The following ACSM1 variants were observed in gnomAD, a reference collection of about 807,000 sequenced individuals.
ACSM1 encodes the protein acyl-CoA synthetase medium chain family member 1.
A neutral mutation model predicts 75.8 loss-of-function variants in ACSM1; 79 were observed. That is an observed-to-expected ratio of 1.04 (90% CI 0.87 to 1.26). The LOEUF (loss-of-function observed/expected upper bound fraction) is 1.26, where lower values mean the gene tolerates loss of function less well. ACSM1 is among the 50% of genes most tolerant of loss of function. ACSM1 has a pLI of 0.00. For missense variants in ACSM1, 676 were observed against 720.1 expected (o/e 0.94, Z 0.70); for synonymous variants, 279 against 265.8 (o/e 1.05, Z -0.48).
At chr16:20,633,186 T>C (rs993317580) in intron 10 of ACSM1, among the ~76,000 whole-genome samples, 4 of 152,028 alleles carry the variant, frequency 2.6e-5, no homozygotes, top group African/African-American at 4.8e-5. Context: ...GAAAGAAAAA[T>C]AAGAGGCATC....
chr16:20,627,097 T>C, intron 11 of ACSM1, 92 bp downstream of exon 11: 1 of 1,439,542 alleles, frequency 6.9e-7, no homozygotes, highest in Non-Finnish European at 9.1e-7. Context: ...TAGGCTGAAA[T>C]TTCACCAATG....
At chr16:20,691,751 ATGTGTGTGTGTGTGTGTGTGTGTGTGTG>A (rs59929923) in intron 1 of ACSM1, among the ~76,000 whole-genome samples, 1 of 134,022 alleles carries the variant, frequency 7.5e-6, no homozygotes, top group African/African-American at 3.0e-5. Context: ...TACCTCTCCA[ATGTGTGTGTGTGTGTGTGTGTGTGTGTG>A]TGTGTGTGTG....
At chr16:20,623,919 A>G (rs2152174910) in intron 13 of ACSM1, among the ~76,000 whole-genome samples, 177 bp downstream of exon 13, 1 of 152,320 alleles carries the variant, frequency 6.6e-6, no homozygotes, top group African/African-American at 2.4e-5. Context: ...GAATGAGGAG[A>G]TGTGGAGGGC....
chr16:20,675,855 G>T (rs2020243923), intron 4 of ACSM1, among the ~76,000 whole-genome samples: 1 of 152,204 alleles, frequency 6.6e-6, no homozygotes. Flanking sequence ...AGAGAAACCA[G>T]CTGCGCTGGC....
intron 3 of ACSM1, among the ~76,000 whole-genome samples, chr16:20,682,752 C>T (rs2079473406): frequency 6.6e-6 from 1 of 152,178 alleles, no homozygotes; most frequent in East Asian, 1.9e-4. Flanking sequence ...AATGGGTGGA[C>T]ACTGCTTTAC....
chr16:20,686,019 C>A (rs886619726), intron 2 of ACSM1, among the ~76,000 whole-genome samples: 1 of 151,882 alleles, frequency 6.6e-6, no homozygotes, highest in African/African-American at 2.4e-5. Context: ...ACTGTGCATT[C>A]TTCTCTGTGC....
At chr16:20,638,017 G>T (rs543919369) in intron 8 of ACSM1, among the ~76,000 whole-genome samples, 3 of 152,304 alleles carry the variant, frequency 2.0e-5, no homozygotes, top group East Asian at 1.9e-4. Context: ...TGTCTGGATT[G>T]CTTGTGCTGT....
At chr16:20,687,877 A>T (rs1190552227) in intron 2 of ACSM1, among the ~76,000 whole-genome samples, 3 of 152,172 alleles carry the variant, frequency 2.0e-5, no homozygotes, top group Non-Finnish European at 4.4e-5. Context: ...TGAGGTCAGG[A>T]GTTTGAGACC....
chr16:20,696,673 T>C (rs2079691550), intron 1 of ACSM1, among the ~76,000 whole-genome samples: 2 of 152,334 alleles, frequency 1.3e-5, no homozygotes, highest in South Asian at 4.1e-4. Context: ...CTGCTTAAAG[T>C]GCATTCTGAA....
At chr16:20,627,830 C>G (rs2017048903) in intron 10 of ACSM1, among the ~76,000 whole-genome samples, 2 of 70,436 alleles carry the variant, frequency 2.8e-5, no homozygotes, top group Admixed American at 2.4e-4. Context: ...CTTCATCTCT[C>G]TCTCTCTCTC....
chr16:20,624,535 G>A (rs756646721), intron 12 of ACSM1, among the ~76,000 whole-genome samples: 42 of 151,912 alleles, frequency 2.8e-4, no homozygotes, highest in Non-Finnish European at 2.8e-4. Context: ...TATTACTCCC[G>A]TCATCAATAT....
intron 2 of ACSM1, 112 bp downstream of exon 2, chr16:20,690,885 A>G: frequency 2.0e-6 from 2 of 1,019,118 alleles, no homozygotes; most frequent in Non-Finnish European, 2.8e-6. Context: ...CACAACACTG[A>G]TAAGTTGAGG....
At chr16:20,685,468 A>T in intron 2 of ACSM1, 65 bp from the exon 3 acceptor site, 1 of 1,414,200 alleles carries the variant, frequency 7.1e-7, no homozygotes, top group South Asian at 1.2e-5. Context: ...TAGTAAACTA[A>T]TCCACAGCCA....
At chr16:20,691,579 T>C (rs1166111692) in intron 1 of ACSM1, among the ~76,000 whole-genome samples, 1 of 152,146 alleles carries the variant, frequency 6.6e-6, no homozygotes, top group Non-Finnish European at 1.5e-5. Flanking sequence ...TACCTTATAG[T>C]GTCTTTACTT....
At position 20,623,524 on chromosome 16, in the gene ACSM1, G is replaced by A. The variant is rs201001472; in HGVS notation, c.1696C>T (p.Arg566Trp). ...LPKTITGKIE[R>W]KELRKKETGQ... is the part of the protein sequence containing the mutation. ...GTCTCCTTTTTCCGAAGTTCCTTCC[G>A]TTCAATCTTGCCAGTGATGGTTTTT... Residue 566 changes from arginine (R) to tryptophan (W), a missense_variant, in exon 14 of 14, where the codon CGG (arginine) becomes TGG (tryptophan). By Grantham distance (101) the Arg-to-Trp change is moderately radical. Transcript: ENST00000520010. The A allele has an allele frequency of 4.8e-5, 78 of 1,613,964 alleles. No individual in the cohort carries two copies. The highest frequency in any genetic ancestry group is 3.3e-4 in the Middle Eastern group (2 of 6,084).
At chr16:20,642,132 CA>C (rs1031036520) in intron 7 of ACSM1, among the ~76,000 whole-genome samples, 1 of 151,924 alleles carries the variant, frequency 6.6e-6, no homozygotes, top group Non-Finnish European at 1.5e-5. Context: ...AAAGATGGAG[CA>C]AAAATTAAAG....
At chr16:20,667,040 A>G (rs1223025506) in intron 6 of ACSM1, among the ~76,000 whole-genome samples, 1 of 152,170 alleles carries the variant, frequency 6.6e-6, no homozygotes, top group Non-Finnish European at 1.5e-5. Flanking sequence ...GCTATGGCAA[A>G]GAATTTATGG....
intron 2 of ACSM1, 143 bp downstream of exon 2, chr16:20,690,854 C>A: frequency 1.3e-6 from 1 of 753,868 alleles, no homozygotes; most frequent in Non-Finnish European, 2.0e-6. Context: ...GGGAATAGAA[C>A]CTTGAAATAT....
chr16:20,664,839 T>C (rs1297560905), intron 6 of ACSM1, among the ~76,000 whole-genome samples: 3 of 152,076 alleles, frequency 2.0e-5, no homozygotes, highest in East Asian at 3.9e-4. Flanking sequence ...CAGAAATCAA[T>C]GTCAACAAGA....
Sources: allele counts gnomAD v4.1 joint callset (sites outside exome capture counted in the v4.1 genomes callset), GRCh38; gene constraint gnomAD v4.1.1; transcripts MANE v1.5; gene names NCBI Gene and HGNC (gene_info 2026-07-23, HGNC 2026-07-21).